Variants in PARP1 observed in about 807,000 individuals in gnomAD.
The protein encoded by PARP1 is poly [ADP-ribose] polymerase 1.
Under a neutral mutation model 118.7 loss-of-function variants are expected in PARP1, and 44 were observed. The observed-to-expected ratio is 0.37, with a 90% confidence interval of 0.29 to 0.48. The LOEUF (loss-of-function observed/expected upper bound fraction) is 0.48. Among genes scored for constraint, PARP1 ranks in the 20% least tolerant of loss-of-function variants. The pLI is 0.99. For synonymous variants in PARP1, 492 were observed against 483.2 expected (o/e 1.02, Z -0.24); for missense variants, 1,100 against 1,272.4 (o/e 0.86, Z 2.06).
At chr1:226,366,081 C>T (rs1347722406) in intron 17 of PARP1, 29 bp from the exon 18 acceptor site, 1 of 1,449,808 alleles carries the variant, frequency 6.9e-7, no homozygotes, top group Non-Finnish European at 9.7e-7. Context: ...GGGATTAGCA[C>T]AAAAGAGACC....
chr1:226,402,474 C>T, intron 1 of PARP1, 95 bp from the exon 2 acceptor site: 2 of 1,185,130 alleles, frequency 1.7e-6, no homozygotes, highest in Non-Finnish European at 2.4e-6. Flanking sequence ...CAGTCCCAGC[C>T]CCAGCAGTGG....
chr1:226,365,793 C>CAA lies in PARP1; in HGVS notation c.2505+159_2505+160dup, dbSNP rs11378196. 5.4e-5 allele frequency among the ~76,000 whole-genome samples: 8 copies of CAA among 147,072 alleles called. No individual in the cohort carries two copies. In the South Asian group the frequency reaches 1.5e-3, roughly 27 times the overall value. On this transcript the variant is annotated intron_variant, in intron 18 of 22. Coordinates refer to ENST00000366794, the MANE Select transcript of PARP1 (RefSeq NM_001618.4). ...AAAAAAAAAACAAAAAACAAACAAA[C>CAA]AAAAAAAAAACTACTAATTTTTCTG...
At position 226,402,396 on chromosome 1, in the gene PARP1, C is replaced by A. The variant is rs2102747316; in HGVS notation, c.121-17G>T. ...CATGGGCGACTAGAAGGAAGAGAAA[C>A]AGAGGGAAGTAAGTAAGCAGTTAAC... On this transcript the variant is annotated splice_polypyrimidine_tract_variant and intron_variant, in intron 1 of 22. Coordinates refer to ENST00000366794, the MANE Select transcript of PARP1 (RefSeq NM_001618.4). 1 of 1,609,538 alleles carries A rather than the reference C, an allele frequency of 6.2e-7. No homozygotes were observed. Among genetic ancestry groups the A allele is most frequent in the Non-Finnish European group, 8.5e-7 (1 of 1,179,048 alleles).
At chr1:226,385,870 TAGG>T (rs1407326821) in intron 6 of PARP1, among the ~76,000 whole-genome samples, 190 bp from the exon 7 acceptor site, 2 of 152,178 alleles carry the variant, frequency 1.3e-5, no homozygotes, top group Admixed American at 6.5e-5. Flanking sequence ...TGGATTCTTG[TAGG>T]AGACCTTATT....
At chr1:226,364,484 T>C in intron 19 of PARP1, 1 of 336,422 alleles carries the variant, frequency 3.0e-6, no homozygotes, top group South Asian at 2.5e-5. Flanking sequence ...CATTTGCCCG[T>C]TATACACTAC....
Position 226,390,619 on chromosome 1 carries a change from C to G in PARP1, c.408G>C (p.Gln136His). 6.2e-7 allele frequency: 1 copy of G among 1,614,076 alleles called. No individual in the cohort carries two copies. The highest frequency in any genetic ancestry group is 8.5e-7 in the Non-Finnish European group (1 of 1,179,956). The change falls in exon 4 of 23, where the codon CAG becomes CAC. Residue 136 changes from glutamine (Q) to histidine (H), a missense_variant. By Grantham distance (24) the Gln-to-His change is conservative. Transcript: ENST00000366794. ...KGCMEKIEKG[Q>H]VRLSKKMVDP... ...CCACCATCTTCTTGGACAGGCGCAC[C>G]TGGCCCTGCAGGAAAAACCATATGT... is the stretch of plus-strand genomic sequence containing the variant.
chr1:226,398,741 C>T (rs528885130), intron 2 of PARP1, among the ~76,000 whole-genome samples: 31 of 152,136 alleles, frequency 2.0e-4, no homozygotes, highest in Non-Finnish European at 4.1e-4. Flanking sequence ...TATAATGATA[C>T]GAACTCTCAT....
At position 226,365,008 on chromosome 1, in the gene PARP1, C is replaced by A. The variant is rs202143014; in HGVS notation, c.2652G>T (p.Ala884=). ...SQGLRIAPPE[A]PVTGYMFGKG... is the part of the protein sequence containing the mutation. ...CGCCAGGCCAGGCACATACCACGGG[C>A]GCTTCAGGCGGGGCTATCCGAAGAC... is the stretch of plus-strand genomic sequence containing the variant. Residue 884 remains alanine (A), a synonymous_variant, in exon 19 of 23, where the codon GCG becomes GCT. Transcript: ENST00000366794. The A allele has an allele frequency of 1.2e-6, 2 of 1,613,802 alleles. No individual in the cohort carries two copies. Among genetic ancestry groups the A allele is most frequent in the Non-Finnish European group, 1.7e-6 (2 of 1,180,050 alleles).
At chr1:226,365,233 C>G (rs1664234151) in intron 18 of PARP1, 79 bp from the exon 19 acceptor site, 2 of 1,471,304 alleles carry the variant, frequency 1.4e-6, no homozygotes, top group East Asian at 4.5e-5. Context: ...GGACTGGATA[C>G]ACGAGAAATG....
chr1:226,364,140 C>G (rs1479037916), intron 19 of PARP1, 70 bp from the exon 20 acceptor site: 1 of 1,509,304 alleles, frequency 6.6e-7, no homozygotes, highest in African/African-American at 1.4e-5. Flanking sequence ...TCACTGAGTG[C>G]CAACTTGAGC....
At chr1:226,403,806 C>A (rs1665085294) in intron 1 of PARP1, among the ~76,000 whole-genome samples, 2 of 152,210 alleles carry the variant, frequency 1.3e-5, no homozygotes, top group African/African-American at 4.8e-5. Flanking sequence ...TTTTATAGAA[C>A]ATAAAGCTAA....
At chr1:226,407,774 G>A (rs748016416) in intron 1 of PARP1, 36 bp downstream of exon 1, 4 of 1,520,540 alleles carry the variant, frequency 2.6e-6, no homozygotes, top group Admixed American at 2.0e-5. Context: ...CCGGGGCGCC[G>A]CGTCCCCGCC....
chr1:226,368,448 G>A (rs1054495217), intron 15 of PARP1, 127 bp from the exon 16 acceptor site: 84 of 1,158,684 alleles, frequency 7.2e-5, no homozygotes, highest in Admixed American at 2.1e-4. Context: ...GCACATGCCA[G>A]GACACATGGG....
intron 2 of PARP1, among the ~76,000 whole-genome samples, chr1:226,401,109 G>A (rs759953037): frequency 3.9e-5 from 6 of 152,250 alleles, no homozygotes; most frequent in Non-Finnish European, 7.3e-5. Context: ...GACATAAAAG[G>A]AGAAAACTGT....
intron 13 of PARP1, among the ~76,000 whole-genome samples, chr1:226,374,721 T>G (rs1664456001): frequency 6.6e-6 from 1 of 152,226 alleles, no homozygotes; most frequent in Non-Finnish European, 1.5e-5. Context: ...AAGCAAACTT[T>G]GGAGCAATGG....
chr1:226,379,183 G>C lies in PARP1; in HGVS notation c.1704C>G (p.Ser568=). The part of the protein sequence containing the change: ...GLVDIVKGTN[S]YYKLQLLEDD... ...CCTCCAGAAGCTGCAGCTTGTAGTA[G>C]GAGTTGGTTCCTTTAACGATGTCCA... Residue 568 remains serine (S), a synonymous_variant, in exon 12 of 23, where the codon TCC becomes TCG. Coordinates refer to ENST00000366794, the MANE Select transcript of PARP1 (RefSeq NM_001618.4). 7.4e-6 allele frequency: 12 copies of C among 1,614,220 alleles called. No individual in the cohort carries two copies. The highest frequency in any genetic ancestry group is 1.0e-5 in the Non-Finnish European group (12 of 1,180,032).
At chr1:226,388,084 A>AT (rs1435452374) in intron 5 of PARP1, among the ~76,000 whole-genome samples, 3 of 152,176 alleles carry the variant, frequency 2.0e-5, no homozygotes, top group African/African-American at 7.2e-5. Context: ...CTGATTAATA[A>AT]TTTTTGCTTT....
chr1:226,374,446 C>A (rs1664452328), intron 13 of PARP1, 92 bp from the exon 14 acceptor site: 1 of 1,491,426 alleles, frequency 6.7e-7, no homozygotes, highest in Non-Finnish European at 9.3e-7. Context: ...ACAAAGGACA[C>A]AGGCTAGAGT....
intron 5 of PARP1, among the ~76,000 whole-genome samples, chr1:226,387,793 G>C (rs2102739675): frequency 6.6e-6 from 1 of 152,318 alleles, no homozygotes; most frequent in East Asian, 1.9e-4. Context: ...AGGGAAGAGA[G>C]AAGGACACTA....
Sources: allele counts gnomAD v4.1 joint callset (sites outside exome capture counted in the v4.1 genomes callset), GRCh38; gene constraint gnomAD v4.1.1; transcripts MANE v1.5; gene names NCBI Gene and HGNC (gene_info 2026-07-23, HGNC 2026-07-21).